Variants in DLGAP2 observed in about 807,000 individuals in gnomAD.
The protein encoded by DLGAP2 is DLG associated protein 2, also known as disks large-associated protein 2.
Under a neutral mutation model 100.3 loss-of-function variants are expected in DLGAP2, and 26 were observed. That is an observed-to-expected ratio of 0.26 (90% CI 0.19 to 0.36). The LOEUF is 0.36. Ranked by LOEUF, DLGAP2 falls within the 10% of genes least tolerant of loss-of-function variation. The probability of loss-of-function intolerance (pLI) is 1.00; values close to 1 mark genes in which losing one functional copy is unlikely to be tolerated. For missense variants in DLGAP2, 1,858 were observed against 1,453.2 expected (o/e 1.28, Z -4.53); for synonymous variants, 886 against 630.1 (o/e 1.41, Z -6.08).
At chr8:788,936 G>C (rs779533859) in intron 1 of DLGAP2, among the ~76,000 whole-genome samples, 2 of 152,172 alleles carry the variant, frequency 1.3e-5, no homozygotes, top group Non-Finnish European at 2.9e-5. Context: ...GATGGTTCCT[G>C]TGCCCTCAAC....
At chr8:1,081,766 T>G (rs980069272) in intron 2 of DLGAP2, among the ~76,000 whole-genome samples, 9 of 152,220 alleles carry the variant, frequency 5.9e-5, no homozygotes, top group East Asian at 3.8e-4. Flanking sequence ...CCCAGGATAC[T>G]AGGAACTTTG....
At chr8:743,138 TAA>T (rs1419613603) in intron 1 of DLGAP2, among the ~76,000 whole-genome samples, 1 of 152,170 alleles carries the variant, frequency 6.6e-6, no homozygotes, top group Non-Finnish European at 1.5e-5. Flanking sequence ...GGACCCAACT[TAA>T]CCACAGAAGG....
intron 3 of DLGAP2, among the ~76,000 whole-genome samples, chr8:1,314,329 C>T (rs564780616): frequency 6.6e-6 from 1 of 152,336 alleles, no homozygotes; most frequent in Non-Finnish European, 1.5e-5. Context: ...CTTCACACTG[C>T]AGCCAACTGA....
intron 2 of DLGAP2, among the ~76,000 whole-genome samples, chr8:1,048,032 C>T (rs1264376425): frequency 6.6e-6 from 1 of 152,100 alleles, no homozygotes; most frequent in Non-Finnish European, 1.5e-5. Context: ...TGGTATTTGA[C>T]CCGACTGTGT....
At chr8:940,652 G>T (rs1347566010) in intron 2 of DLGAP2, among the ~76,000 whole-genome samples, 1 of 152,122 alleles carries the variant, frequency 6.6e-6, no homozygotes, top group Non-Finnish European at 1.5e-5. Context: ...AGGTTTTCAG[G>T]ACAGTTTGGA....
chr8:1,332,841 T>C (rs1399665049), intron 3 of DLGAP2, among the ~76,000 whole-genome samples: 3 of 152,132 alleles, frequency 2.0e-5, no homozygotes, highest in Admixed American at 2.0e-4. Context: ...TGAATGAAAA[T>C]ACGTGGGCTT....
chr8:893,906 A>G (rs1798087544), intron 1 of DLGAP2, among the ~76,000 whole-genome samples: 1 of 152,128 alleles, frequency 6.6e-6, no homozygotes, highest in South Asian at 2.1e-4. Context: ...AGAGGTTCCC[A>G]TGGTTACTGT....
chr8:809,717 T>C (rs1796336604), intron 1 of DLGAP2, among the ~76,000 whole-genome samples: 1 of 152,220 alleles, frequency 6.6e-6, no homozygotes, highest in Non-Finnish European at 1.5e-5. Context: ...GATGAGTGTT[T>C]GGCTGAAGAT....
At chr8:1,235,058 T>TCA (rs1189029314) in intron 2 of DLGAP2, among the ~76,000 whole-genome samples, 35 of 151,672 alleles carry the variant, frequency 2.3e-4, no homozygotes, top group African/African-American at 6.5e-4. Context: ...TCTAGTTCTC[T>TCA]CACATGGCAT....
chr8:1,511,333 A>G (rs1284571534), intron 4 of DLGAP2, among the ~76,000 whole-genome samples: 1 of 150,176 alleles, frequency 6.7e-6, no homozygotes, highest in Non-Finnish European at 1.5e-5. Flanking sequence ...CAATCAGTAG[A>G]TGACCATCTT....
intron 3 of DLGAP2, among the ~76,000 whole-genome samples, chr8:1,409,602 C>A (rs940230983): frequency 6.6e-6 from 1 of 152,138 alleles, no homozygotes; most frequent in Non-Finnish European, 1.5e-5. Context: ...TAGGGGATGC[C>A]CACAGAGCTG....
At chr8:1,012,134 G>A (rs528196020) in intron 2 of DLGAP2, among the ~76,000 whole-genome samples, 48 of 152,242 alleles carry the variant, frequency 3.2e-4, no homozygotes, top group African/African-American at 1.0e-3. Flanking sequence ...CAGGTGCAGC[G>A]GTATCCCCTT....
At chr8:886,696 A>G (rs975077417) in intron 1 of DLGAP2, among the ~76,000 whole-genome samples, 1 of 152,180 alleles carries the variant, frequency 6.6e-6, no homozygotes, top group African/African-American at 2.4e-5. Flanking sequence ...TGAGTTTCTT[A>G]ATCCCAAGTT....
In DLGAP2 at chr8:1,701,615, G is replaced by GTTGTTGTTC. The variant is rs1370023709; in HGVS notation, c.*210_*218dup. The GTTGTTGTTC allele has an allele frequency of 4.9e-6, 3 of 608,628 alleles. No individual in the cohort carries two copies. The highest frequency in any genetic ancestry group is 8.4e-6 in the Non-Finnish European group (3 of 355,450). 37.7% of individuals were successfully genotyped at this position (608,628 alleles called of 1,614,324 possible). A position where few individuals can be genotyped will look rare whatever the true frequency, so the allele number is the denominator to read the frequency against. On this transcript the variant is annotated 3_prime_UTR_variant, in exon 15 of 15. Coordinates refer to ENST00000637795, the MANE Select transcript of DLGAP2 (RefSeq NM_001346810.2). ...GACGACTTCTGCTTTTGTTGTTGTT[G>GTTGTTGTTC]TTGTTGTTCACGGGTGGCCTGGCTC... is the stretch of plus-strand genomic sequence containing the variant.
chr8:1,596,170 G>C (rs1796454204), intron 6 of DLGAP2, among the ~76,000 whole-genome samples: 1 of 152,050 alleles, frequency 6.6e-6, no homozygotes, highest in African/African-American at 2.4e-5. Context: ...ATGGTTTCCA[G>C]CTTCATCCAT....
At chr8:765,874 C>T (rs1285956142) in intron 1 of DLGAP2, among the ~76,000 whole-genome samples, 1 of 152,110 alleles carries the variant, frequency 6.6e-6, no homozygotes, top group Non-Finnish European at 1.5e-5. Context: ...TGCACACAAA[C>T]ATACCCACAT....
chr8:1,184,189 C>G (rs1003863592), intron 2 of DLGAP2, among the ~76,000 whole-genome samples: 3 of 152,212 alleles, frequency 2.0e-5, no homozygotes, highest in African/African-American at 7.2e-5. Flanking sequence ...ATTCTAAAAC[C>G]ATAGAGAGCA....
intron 2 of DLGAP2, among the ~76,000 whole-genome samples, chr8:1,243,662 T>C (rs866103008): frequency 1.3e-5 from 2 of 152,170 alleles, no homozygotes; most frequent in Non-Finnish European, 2.9e-5. Context: ...CCATGTCCCA[T>C]ACTCGGTGGG....
chr8:1,616,233 AG>A (rs1439874386), intron 6 of DLGAP2, among the ~76,000 whole-genome samples: 1 of 152,202 alleles, frequency 6.6e-6, no homozygotes, highest in Non-Finnish European at 1.5e-5. Context: ...ATTAAAAAAA[AG>A]AATAGAGCCT....
Sources: allele counts gnomAD v4.1 joint callset (sites outside exome capture counted in the v4.1 genomes callset), GRCh38; gene constraint gnomAD v4.1.1; transcripts MANE v1.5; gene names NCBI Gene and HGNC (gene_info 2026-07-23, HGNC 2026-07-21).